ZCCHC10: variants seen among roughly 807,000 people sequenced by gnomAD.
ZCCHC10 encodes the protein zinc finger CCHC domain-containing protein 10.
Under a neutral mutation model 19.5 loss-of-function variants are expected in ZCCHC10, and 16 were observed. The observed-to-expected ratio is 0.82, with a 90% confidence interval of 0.56 to 1.25. The LOEUF is 1.25. ZCCHC10 is among the 50% of genes most tolerant of loss of function. ZCCHC10 has a pLI of 0.00. For synonymous variants in ZCCHC10, 67 were observed against 72.5 expected (o/e 0.92, Z 0.38); for missense variants, 197 against 201.0 (o/e 0.98, Z 0.12).
chr5:133,012,878 G>A (rs1427878105), intron 2 of ZCCHC10, among the ~76,000 whole-genome samples: 7 of 151,868 alleles, frequency 4.6e-5, no homozygotes, highest in Non-Finnish European at 1.0e-4. Flanking sequence ...GTGAAACCCC[G>A]TCTCTATTAA....
At chr5:133,003,274 C>A in intron 3 of ZCCHC10, 1 of 460,462 alleles carries the variant, frequency 2.2e-6, no homozygotes, top group Non-Finnish European at 4.3e-6. Flanking sequence ...TAACCCAGAG[C>A]CCTGAACAAA....
At chr5:133,008,840 T>C (rs1276862923) in intron 2 of ZCCHC10, among the ~76,000 whole-genome samples, 2 of 152,022 alleles carry the variant, frequency 1.3e-5, no homozygotes, top group East Asian at 3.9e-4. Context: ...GGTGAAACCC[T>C]GTCTCTAAAA....
At chr5:133,017,011 G>C (rs572905792) in intron 2 of ZCCHC10, among the ~76,000 whole-genome samples, 1 of 151,760 alleles carries the variant, frequency 6.6e-6, no homozygotes, top group Non-Finnish European at 1.5e-5. Flanking sequence ...CACATACCCT[G>C]TGTGGATATT....
intron 2 of ZCCHC10, among the ~76,000 whole-genome samples, chr5:133,016,938 C>T (rs1057006919): frequency 1.3e-5 from 2 of 151,730 alleles, no homozygotes; most frequent in African/African-American, 2.4e-5. Context: ...CCAGGCAGGC[C>T]CCCCCCAGAC....
Position 133,021,607 on chromosome 5 carries a change from T to C in ZCCHC10, c.107+1234A>G, listed in dbSNP as rs537084171. On this transcript the variant is annotated intron_variant, in intron 2 of 4. Coordinates refer to ENST00000509437, the MANE Select transcript of ZCCHC10 (RefSeq NM_001300816.3). Reference sequence around the variant, plus strand: ...ATTTATCTGGAAATACAATCTAAAATAGTCAAAATAACTCTGAAAAAGAGC... The same window carrying C: ...ATTTATCTGGAAATACAATCTAAAACAGTCAAAATAACTCTGAAAAAGAGC... 2.0e-5 allele frequency among the ~76,000 whole-genome samples: 3 copies of C among 152,202 alleles called. No homozygotes were observed. In the South Asian group the frequency reaches 6.2e-4, roughly 32 times the overall value.
At chr5:133,022,426 G>C (rs992451873) in intron 2 of ZCCHC10, among the ~76,000 whole-genome samples, 3 of 150,960 alleles carry the variant, frequency 2.0e-5, no homozygotes, top group Admixed American at 1.3e-4. Context: ...GAGAGATCCA[G>C]TTATGGCCTG....
intron 2 of ZCCHC10, among the ~76,000 whole-genome samples, chr5:133,016,482 G>C (rs1763929112): frequency 6.6e-6 from 1 of 151,746 alleles, no homozygotes; most frequent in Admixed American, 6.6e-5. Context: ...TTGCGCCTGT[G>C]CCCAGGCTGG....
intron 2 of ZCCHC10, among the ~76,000 whole-genome samples, chr5:133,009,343 T>C: frequency 6.6e-6 from 1 of 151,186 alleles, no homozygotes; most frequent in African/African-American, 2.4e-5. Context: ...GATGGCCAGG[T>C]GCGGTGGCTC....
Position 132,998,815 on chromosome 5 carries a change from C to T in ZCCHC10, c.347G>A (p.Ser116Asn), listed in dbSNP as rs1581365952. The T allele has an allele frequency of 1.2e-6, 2 of 1,614,200 alleles. No homozygotes were observed. Among genetic ancestry groups the T allele is most frequent in the East Asian group, 4.5e-5 (2 of 44,892 alleles). The change falls in exon 5 of 5, where the codon AGT (serine) becomes AAT (asparagine). Residue 116 changes from serine (S) to asparagine (N), a missense_variant. Ser to Asn is a conservative substitution (Grantham distance 46). Transcript: ENST00000509437. Reference sequence around the variant, plus strand: ...TGAAGAATCACTGGCAGAACTGTCACTGCTACTGCTACTGGAACTGGTTAC... The same window carrying T: ...TGAAGAATCACTGGCAGAACTGTCATTGCTACTGCTACTGGAACTGGTTAC... ...KSVTSSSSSS[S>N]DSSASDSSSE...
intron 2 of ZCCHC10, among the ~76,000 whole-genome samples, chr5:133,008,162 T>A (rs1283936957): frequency 6.7e-6 from 1 of 149,240 alleles, no homozygotes; most frequent in Non-Finnish European, 1.5e-5. Flanking sequence ...GAGGCAAAGC[T>A]TGCAGTGAGC....
chr5:133,006,343 G>A (rs1169133257), intron 3 of ZCCHC10, among the ~76,000 whole-genome samples: 2 of 151,992 alleles, frequency 1.3e-5, no homozygotes, highest in Non-Finnish European at 2.9e-5. Context: ...AGCTTTCCAT[G>A]TCAGCTCATA....
At chr5:133,016,819 A>C (rs1206993332) in intron 2 of ZCCHC10, among the ~76,000 whole-genome samples, 2 of 151,990 alleles carry the variant, frequency 1.3e-5, no homozygotes, top group Non-Finnish European at 2.9e-5. Context: ...TATTTGGTCA[A>C]TTCCCCTTAT....
At chr5:133,006,700 TAATA>T in intron 3 of ZCCHC10, 55 bp downstream of exon 3, 1 of 1,477,472 alleles carries the variant, frequency 6.8e-7, no homozygotes, top group Non-Finnish European at 9.0e-7. Context: ...TTTGGTCCTT[TAATA>T]AATTCTATAT....
At chr5:133,015,350 A>G (rs930723765) in intron 2 of ZCCHC10, among the ~76,000 whole-genome samples, 6 of 152,160 alleles carry the variant, frequency 3.9e-5, no homozygotes, top group Non-Finnish European at 7.3e-5. Context: ...AAGTGCTGGG[A>G]TTACAGGCAG....
chr5:133,007,005 A>C, intron 2 of ZCCHC10, 85 bp from the exon 3 acceptor site: 1 of 1,309,574 alleles, frequency 7.6e-7, no homozygotes, highest in Non-Finnish European at 1.0e-6. Flanking sequence ...ATAAAGGATA[A>C]AATTATGTTT....
At chr5:133,004,021 T>G (rs1469091620) in intron 3 of ZCCHC10, among the ~76,000 whole-genome samples, 1 of 152,120 alleles carries the variant, frequency 6.6e-6, no homozygotes, top group Non-Finnish European at 1.5e-5. Context: ...GGAAATGCAT[T>G]TCTTAATGAC....
At chr5:133,005,978 CTTTTT>C (rs760600232) in intron 3 of ZCCHC10, among the ~76,000 whole-genome samples, 1 of 97,778 alleles carries the variant, frequency 1.0e-5, no homozygotes, top group African/African-American at 4.3e-5. Flanking sequence ...GAAGATGCTG[CTTTTT>C]TTTTTTTTTT....
In ZCCHC10 at chr5:133,010,049, A is replaced by ATTTTT. The variant is rs770318980; in HGVS notation, c.108-3134_108-3130dup. On this transcript the variant is annotated intron_variant, in intron 2 of 4. Coordinates refer to ENST00000509437, the MANE Select transcript of ZCCHC10 (RefSeq NM_001300816.3). ...GCAAGGTTTTAAATTTGGGTCAGCA[A>ATTTTT]TTTTTTTTTTTTTTTTGGAGATGAA... is the stretch of plus-strand genomic sequence containing the variant. Among the ~76,000 whole-genome samples, 577 of 138,518 alleles carry ATTTTT rather than the reference A, an allele frequency of 4.2e-3. 15 individuals carry two copies. Among genetic ancestry groups the ATTTTT allele is most frequent in the African/African-American group, 0.014 (504 of 36,824 alleles). 90.9% of individuals were successfully genotyped at this position (138,518 alleles called of 152,430 possible).
In ZCCHC10 at chr5:133,014,154, CTTTT is replaced by C. The variant is rs767551153; in HGVS notation, c.108-7238_108-7235del. Among the ~76,000 whole-genome samples, 246 of 113,064 alleles carry C rather than the reference CTTTT, an allele frequency of 2.2e-3. 2 individuals are homozygous for C. The highest frequency in any genetic ancestry group is 7.6e-3 in the African/African-American group (201 of 26,364). The allele number at this position is 113,064 out of a possible 152,430, so 74.2% of individuals were successfully genotyped here. A position where few individuals can be genotyped will look rare whatever the true frequency, so the allele number is the denominator to read the frequency against. ...TGTTGATACATTCCTACTATTTACT[CTTTT>C]TTTTTTTTTTTTTTTTTTGAGACGG... On this transcript the variant is annotated intron_variant, in intron 2 of 4. Transcript: ENST00000509437.
Sources: allele counts gnomAD v4.1 joint callset (sites outside exome capture counted in the v4.1 genomes callset), GRCh38; gene constraint gnomAD v4.1.1; transcripts MANE v1.5; gene names NCBI Gene and HGNC (gene_info 2026-07-23, HGNC 2026-07-21).